CNTN4: variants seen among roughly 807,000 people sequenced by gnomAD.
CNTN4 encodes contactin 4.
In CNTN4, 77 loss-of-function variants were observed where a neutral mutation model predicts 122.5. The ratio of observed to expected loss-of-function variants is 0.63; its 90% CI spans 0.52 to 0.76. CNTN4 has a LOEUF of 0.76. Ranked by LOEUF, CNTN4 falls within the 30% of genes least tolerant of loss-of-function variation. CNTN4 has a pLI of 0.00. For missense variants in CNTN4, 1,256 were observed against 1,259.1 expected (o/e 1.00, Z 0.04); for synonymous variants, 512 against 447.0 (o/e 1.15, Z -1.83).
In CNTN4 at chr3:2,708,727, T is replaced by TCACACA. The variant is rs10530575; in HGVS notation, c.56-27452_56-27447dup. Among the ~76,000 whole-genome samples the TCACACA allele has an allele frequency of 5.7e-3, 855 of 150,986 alleles. 5 individuals carry two copies. Among genetic ancestry groups the TCACACA allele is most frequent in the African/African-American group, 0.016 (646 of 41,186 alleles). On this transcript the variant is annotated intron_variant, in intron 4 of 24. Coordinates refer to ENST00000418658, the MANE Select transcript of CNTN4 (RefSeq NM_175607.3). Reference sequence around the variant, plus strand: ...GCACGCAGGCACGCGCACGCGCGCATCACACACACACACACACACACACAC... The same window carrying TCACACA: ...GCACGCAGGCACGCGCACGCGCGCATCACACACACACACACACACACACACACACAC...
At chr3:2,173,008 A>G (rs1027043028) in intron 2 of CNTN4, among the ~76,000 whole-genome samples, 13 of 152,212 alleles carry the variant, frequency 8.5e-5, no homozygotes, top group Admixed American at 4.6e-4. Context: ...GTGATCTGCA[A>G]CGTGGTAGAT....
At chr3:2,373,640 G>A (rs2045713440) in intron 3 of CNTN4, among the ~76,000 whole-genome samples, 1 of 152,172 alleles carries the variant, frequency 6.6e-6, no homozygotes, top group Non-Finnish European at 1.5e-5. Context: ...ATCTGTTAAT[G>A]GGTTTTAAGT....
chr3:2,591,820 G>C lies in CNTN4; in HGVS notation c.55+20262G>C, dbSNP rs553616234. Among the ~76,000 whole-genome samples the C allele has an allele frequency of 2.6e-5, 4 of 152,306 alleles. No homozygotes were observed. In the South Asian group the frequency reaches 8.3e-4, roughly 32 times the overall value. On this transcript the variant is annotated intron_variant, in intron 4 of 24. Transcript: ENST00000418658. ...TAAGTGTTGAATGCCAGGTGTAGTA[G>C]TCTGCTCTTTATTTGAGTCGAGACT...
chr3:3,054,723 G>A (rs780270482), intron 24 of CNTN4, among the ~76,000 whole-genome samples: 1 of 152,190 alleles, frequency 6.6e-6, no homozygotes, highest in Non-Finnish European at 1.5e-5. Flanking sequence ...TAGGCACTGG[G>A]TCTTCATTTG....
At chr3:2,295,901 G>A (rs1559424873) in intron 2 of CNTN4, among the ~76,000 whole-genome samples, 1 of 152,144 alleles carries the variant, frequency 6.6e-6, no homozygotes, top group African/African-American at 2.4e-5. Context: ...CATATGACTA[G>A]CCAGTTTTCC....
chr3:2,578,330 A>G (rs1206111274), intron 4 of CNTN4, among the ~76,000 whole-genome samples: 2 of 152,144 alleles, frequency 1.3e-5, no homozygotes, highest in Non-Finnish European at 2.9e-5. Flanking sequence ...ATGTTGATGA[A>G]AGGACTCCAT....
chr3:2,364,894 G>T (rs2045311622), intron 3 of CNTN4, among the ~76,000 whole-genome samples: 1 of 152,070 alleles, frequency 6.6e-6, no homozygotes, highest in East Asian at 1.9e-4. Context: ...TCTGAAATAT[G>T]CTGTTTTCAT....
chr3:2,125,902 T>G (rs1173866295), intron 2 of CNTN4, among the ~76,000 whole-genome samples: 2 of 150,128 alleles, frequency 1.3e-5, no homozygotes, highest in Non-Finnish European at 3.0e-5. Context: ...CTGGTGTGTG[T>G]GTGTGTGTGT....
intron 12 of CNTN4, among the ~76,000 whole-genome samples, chr3:2,922,866 C>T (rs1461867865): frequency 6.6e-6 from 1 of 152,156 alleles, no homozygotes; most frequent in East Asian, 1.9e-4. Flanking sequence ...CCACCTCAGC[C>T]TCCCAAAGTG....
rs531536108 is a variant in CNTN4 at position 2,687,412 on chromosome 3, G to C, written c.56-48803G>C. On this transcript the variant is annotated intron_variant, in intron 4 of 24. Coordinates refer to ENST00000418658, the MANE Select transcript of CNTN4 (RefSeq NM_175607.3). The stretch of plus-strand genomic sequence containing the variant: ...ACTGTGGCTCGTGCCTGCAATCTCA[G>C]CACTCTGGGAGACCGAGACAGGTGG... Among the ~76,000 whole-genome samples, 5 of 152,238 alleles carry C rather than the reference G, an allele frequency of 3.3e-5. 1 individual carries two copies. The South Asian group carries it at 8.3e-4, about 25-fold the overall frequency.
At chr3:2,829,878 C>T (rs1027808929) in intron 7 of CNTN4, among the ~76,000 whole-genome samples, 1 of 152,106 alleles carries the variant, frequency 6.6e-6, no homozygotes, top group Non-Finnish European at 1.5e-5. Context: ...GTAGTAGCTA[C>T]ATACTTTCTA....
intron 4 of CNTN4, among the ~76,000 whole-genome samples, chr3:2,609,294 G>A (rs1480255052): frequency 6.6e-6 from 1 of 152,198 alleles, no homozygotes; most frequent in Non-Finnish European, 1.5e-5. Context: ...AACTAGCTTA[G>A]GACCCTTTGC....
At chr3:2,372,852 A>C (rs1011980951) in intron 3 of CNTN4, among the ~76,000 whole-genome samples, 1 of 152,124 alleles carries the variant, frequency 6.6e-6, no homozygotes, top group South Asian at 2.1e-4. Flanking sequence ...GTTTGAGACC[A>C]GCCTGGCCAA....
chr3:2,404,711 G>T (rs1199233769), intron 3 of CNTN4, among the ~76,000 whole-genome samples: 2 of 152,158 alleles, frequency 1.3e-5, no homozygotes, highest in Admixed American at 6.5e-5. Flanking sequence ...GTAATACTTA[G>T]ATCGGTATTT....
At chr3:2,773,577 T>C (rs1347298853) in intron 6 of CNTN4, among the ~76,000 whole-genome samples, 3 of 151,870 alleles carry the variant, frequency 2.0e-5, no homozygotes, top group Admixed American at 6.6e-5. Context: ...AGACTAGGTG[T>C]TCGGTTGGGT....
chr3:2,532,665 T>G (rs189861248), intron 3 of CNTN4, among the ~76,000 whole-genome samples: 31 of 152,286 alleles, frequency 2.0e-4, no homozygotes, highest in Non-Finnish European at 3.2e-4. Context: ...TCAAAAAGCT[T>G]AATTTACCAA....
chr3:2,142,749 GA>G (rs2035060651), intron 2 of CNTN4, among the ~76,000 whole-genome samples: 1 of 152,224 alleles, frequency 6.6e-6, no homozygotes, highest in South Asian at 2.1e-4. Context: ...ATTAGGAGGA[GA>G]GGGGGCTGGA....
intron 4 of CNTN4, among the ~76,000 whole-genome samples, chr3:2,601,608 G>T (rs2081051080): frequency 6.6e-6 from 1 of 152,128 alleles, no homozygotes; most frequent in Admixed American, 6.5e-5. Flanking sequence ...GGTTACTGTA[G>T]CCTTGAAGTA....
chr3:2,182,091 C>T (rs1416159920), intron 2 of CNTN4, among the ~76,000 whole-genome samples: 2 of 152,098 alleles, frequency 1.3e-5, no homozygotes, highest in Admixed American at 1.3e-4. Context: ...ACAAGTTCCA[C>T]CATGTTAACA....
Sources: allele counts gnomAD v4.1 joint callset (sites outside exome capture counted in the v4.1 genomes callset), GRCh38; gene constraint gnomAD v4.1.1; transcripts MANE v1.5; gene names NCBI Gene and HGNC (gene_info 2026-07-23, HGNC 2026-07-21).